Variants in KAZN observed in about 807,000 individuals in gnomAD.
KAZN encodes the protein kazrin, periplakin interacting protein.
KAZN carries 40 observed loss-of-function variants against 87.4 expected under a neutral mutation model. The ratio of observed to expected loss-of-function variants is 0.46; its 90% CI spans 0.36 to 0.60. KAZN has a LOEUF of 0.60. Ranked by LOEUF, KAZN falls within the 20% of genes least tolerant of loss-of-function variation. The probability of loss-of-function intolerance (pLI) is 0.00; values close to 1 mark genes in which losing one functional copy is unlikely to be tolerated. For synonymous variants in KAZN, 466 were observed against 458.3 expected (o/e 1.02, Z -0.22); for missense variants, 898 against 1,073.9 (o/e 0.84, Z 2.29).
intron 2 of KAZN, among the ~76,000 whole-genome samples, chr1:14,342,966 C>A (rs1483978694): frequency 2.0e-5 from 3 of 152,206 alleles, no homozygotes; most frequent in South Asian, 2.1e-4. Context: ...CATGGTGAAA[C>A]CCCATCTCTA....
At chr1:14,522,737 C>T (rs1351591653) in intron 2 of KAZN, among the ~76,000 whole-genome samples, 3 of 152,146 alleles carry the variant, frequency 2.0e-5, no homozygotes, top group Non-Finnish European at 2.9e-5. Flanking sequence ...TATAACTCAT[C>T]GGAGAAAATA....
intron 1 of KAZN, among the ~76,000 whole-genome samples, chr1:14,942,352 A>G (rs1446240944): frequency 6.6e-6 from 1 of 152,164 alleles, no homozygotes; most frequent in Non-Finnish European, 1.5e-5. Context: ...TGGAGTGCGG[A>G]GAGGAAAAAG....
intron 2 of KAZN, among the ~76,000 whole-genome samples, chr1:14,207,965 TCTC>T (rs1646778108): frequency 1.3e-5 from 2 of 152,362 alleles, no homozygotes; most frequent in African/African-American, 4.8e-5. Context: ...GACGTTCTAT[TCTC>T]CTGATGCACA....
In KAZN at chr1:14,507,860, G is replaced by A. The variant is rs143278443; in HGVS notation, c.250-91123G>A. Among the ~76,000 whole-genome samples the A allele has an allele frequency of 3.1e-3, 468 of 152,118 alleles. 4 individuals carry two copies. Among genetic ancestry groups the A allele is most frequent in the African/African-American group, 0.011 (449 of 41,486 alleles). On this transcript the variant is annotated intron_variant, in intron 2 of 16. Transcript: ENST00000636203. Reference sequence around the variant, plus strand: ...CGGGTGCCTGTAGTCCCAGCTACTCGAGAGGCTGAGGTAGGAGAATGGTGT... The same window carrying A: ...CGGGTGCCTGTAGTCCCAGCTACTCAAGAGGCTGAGGTAGGAGAATGGTGT...
At chr1:14,993,283 C>A (rs894148032) in intron 2 of KAZN, among the ~76,000 whole-genome samples, 1 of 151,632 alleles carries the variant, frequency 6.6e-6, no homozygotes, top group African/African-American at 2.4e-5. Context: ...GCCTGACCAA[C>A]ATGGCGAAAC....
chr1:14,858,401 C>T (rs1340221879), intron 1 of KAZN, among the ~76,000 whole-genome samples: 1 of 151,828 alleles, frequency 6.6e-6, no homozygotes, highest in African/African-American at 2.4e-5. Context: ...TTAGTAGAGA[C>T]GGGGTTTCAC....
chr1:14,686,778 C>T (rs1640979353), intron 1 of KAZN, among the ~76,000 whole-genome samples: 1 of 152,256 alleles, frequency 6.6e-6, no homozygotes, highest in Non-Finnish European at 1.5e-5. Flanking sequence ...AACATCCACA[C>T]AGAACATTTG....
At chr1:15,082,123 G>C (rs1466441908) in intron 8 of KAZN, among the ~76,000 whole-genome samples, 1 of 152,066 alleles carries the variant, frequency 6.6e-6, no homozygotes, top group Non-Finnish European at 1.5e-5. Context: ...CAAGCTCACT[G>C]CCTCAACTCT....
At chr1:14,492,766 C>T (rs1669740768) in intron 2 of KAZN, among the ~76,000 whole-genome samples, 1 of 35,862 alleles carries the variant, frequency 2.8e-5, no homozygotes, top group Non-Finnish European at 6.4e-5. Flanking sequence ...ACACACATCA[C>T]ACACACCACA....
At chr1:14,328,068 C>A (rs1656569194) in intron 2 of KAZN, among the ~76,000 whole-genome samples, 1 of 152,108 alleles carries the variant, frequency 6.6e-6, no homozygotes, top group Non-Finnish European at 1.5e-5. Context: ...ACATTTGATA[C>A]TTTTCACCCA....
intron 2 of KAZN, among the ~76,000 whole-genome samples, chr1:14,242,581 A>G (rs1649077957): frequency 6.6e-6 from 1 of 152,188 alleles, no homozygotes; most frequent in South Asian, 2.1e-4. Context: ...GGGTGGGGGG[A>G]TAAGGGAAAG....
At chr1:14,338,782 C>G (rs1156884984) in intron 2 of KAZN, among the ~76,000 whole-genome samples, 1 of 152,146 alleles carries the variant, frequency 6.6e-6, no homozygotes, top group East Asian at 1.9e-4. Flanking sequence ...GGATTTATCC[C>G]ATGTTCAGAC....
At chr1:15,026,869 C>T (rs1418511683) in intron 2 of KAZN, among the ~76,000 whole-genome samples, 3 of 152,028 alleles carry the variant, frequency 2.0e-5, no homozygotes, top group Non-Finnish European at 4.4e-5. Context: ...AGATGATTTA[C>T]AGTACACGGG....
At chr1:14,318,693 C>T (rs1266123571) in intron 2 of KAZN, among the ~76,000 whole-genome samples, 4 of 151,982 alleles carry the variant, frequency 2.6e-5, no homozygotes, top group Admixed American at 6.6e-5. Context: ...TCGATATTGT[C>T]GTGCAATTCA....
chr1:14,411,101 C>T (rs1181772709), intron 2 of KAZN, among the ~76,000 whole-genome samples: 3 of 152,210 alleles, frequency 2.0e-5, no homozygotes, highest in Middle Eastern at 3.4e-3. Flanking sequence ...TCCAGTGAAA[C>T]GGGAGAATGC....
chr1:14,404,948 ATCCTGCTGGGAGAGC>A (rs1182925240), intron 2 of KAZN, among the ~76,000 whole-genome samples: 1 of 152,152 alleles, frequency 6.6e-6, no homozygotes, highest in Non-Finnish European at 1.5e-5. Context: ...AATGTTCACC[ATCCTGCTGGGAGAGC>A]TCCTCCTGGA....
At chr1:14,342,299 A>G (rs887114742) in intron 2 of KAZN, among the ~76,000 whole-genome samples, 1 of 152,194 alleles carries the variant, frequency 6.6e-6, no homozygotes, top group Non-Finnish European at 1.5e-5. Context: ...ATGAACATAC[A>G]TGTACATGTG....
chr1:14,090,835 C>T (rs773941877), intron 1 of KAZN, among the ~76,000 whole-genome samples: 7 of 152,058 alleles, frequency 4.6e-5, no homozygotes, highest in East Asian at 3.9e-4. Context: ...GAGGAACAGC[C>T]GGGTGCGGTG....
intron 1 of KAZN, among the ~76,000 whole-genome samples, chr1:14,801,850 A>AT (rs147930942): frequency 0.13 from 19,507 of 151,284 alleles, 2,248 homozygotes; most frequent in East Asian, 0.41. Flanking sequence ...CGCCCAGCTA[A>AT]TTTTTTTGTA....
Sources: allele counts gnomAD v4.1 joint callset (sites outside exome capture counted in the v4.1 genomes callset), GRCh38; gene constraint gnomAD v4.1.1; transcripts MANE v1.5; gene names NCBI Gene and HGNC (gene_info 2026-07-23, HGNC 2026-07-21).